TMEM200A: variants seen among roughly 807,000 people sequenced by gnomAD.
The protein encoded by TMEM200A is transmembrane protein 200A, also known as two transmembrane C.
Under a neutral mutation model 24.3 loss-of-function variants are expected in TMEM200A, and 12 were observed. The observed-to-expected ratio is 0.49, with a 90% CI of 0.32 to 0.80. TMEM200A has a LOEUF of 0.80. TMEM200A is among the 30% of genes least tolerant of loss of function. The probability of loss-of-function intolerance (pLI) is 0.04; values close to 1 mark genes in which losing one functional copy is unlikely to be tolerated. For missense variants in TMEM200A, 545 were observed against 614.4 expected (o/e 0.89, Z 1.19); for synonymous variants, 224 against 224.4 (o/e 1.00, Z 0.02).
intron 2 of TMEM200A, among the ~76,000 whole-genome samples, chr6:130,387,741 C>T (rs1778743215): frequency 6.6e-6 from 1 of 152,200 alleles, no homozygotes; most frequent in South Asian, 2.1e-4. Flanking sequence ...TTTCCACACT[C>T]TTAATTATGT....
rs9492583 is a variant in TMEM200A, at chr6:130,412,185, C to G, written c.-17+26949C>G. Reference sequence around the variant, plus strand: ...TGAAATTAGCTACTTCTCCCAGAAGCCTGATTTTTTTTTTTTTTCTTTTTA... The same window carrying G: ...TGAAATTAGCTACTTCTCCCAGAAGGCTGATTTTTTTTTTTTTTCTTTTTA... On this transcript the variant is annotated intron_variant, in intron 2 of 2. Transcript: ENST00000296978. 6.6e-3 allele frequency among the ~76,000 whole-genome samples: 849 copies of G among 128,200 alleles called. 7 individuals carry two copies. Among genetic ancestry groups the G allele is most frequent in the African/African-American group, 0.031 (790 of 25,604 alleles). 84.1% of individuals were successfully genotyped at this position (128,200 alleles called of 152,430 possible).
intron 2 of TMEM200A, among the ~76,000 whole-genome samples, chr6:130,434,484 G>A (rs1448277924): frequency 6.6e-6 from 1 of 152,166 alleles, no homozygotes; most frequent in Non-Finnish European, 1.5e-5. Flanking sequence ...TAGGCTCACA[G>A]TGTGGTCAGA....
chr6:130,393,256 A>G (rs948339219), intron 2 of TMEM200A, among the ~76,000 whole-genome samples: 1 of 152,232 alleles, frequency 6.6e-6, no homozygotes, highest in African/African-American at 2.4e-5. Flanking sequence ...GTATTAAGTC[A>G]TGCTGTCTTC....
At chr6:130,392,544 G>C (rs938013644) in intron 2 of TMEM200A, among the ~76,000 whole-genome samples, 4 of 152,138 alleles carry the variant, frequency 2.6e-5, no homozygotes, top group Non-Finnish European at 5.9e-5. Context: ...TTCACTGTCA[G>C]CCTATCTGTC....
chr6:130,393,067 T>C (rs141161669), intron 2 of TMEM200A, among the ~76,000 whole-genome samples: 5 of 152,352 alleles, frequency 3.3e-5, no homozygotes, highest in Admixed American at 3.3e-4. Flanking sequence ...TAAGAATTCA[T>C]TGATGGAATT....
At chr6:130,385,626 GA>G (rs1778694067) in intron 2 of TMEM200A, among the ~76,000 whole-genome samples, 2 of 151,958 alleles carry the variant, frequency 1.3e-5, no homozygotes, top group Admixed American at 1.3e-4. Context: ...ATTGACTACA[GA>G]AAAAAATAAT....
chr6:130,365,656 C>T (rs1040182088), upstream of TMEM200A: 1 of 985,286 alleles, frequency 1.0e-6, no homozygotes, highest in Non-Finnish European at 1.2e-6. Flanking sequence ...TAGAGGCGGG[C>T]CCCACGGGTG....
intron 2 of TMEM200A, among the ~76,000 whole-genome samples, chr6:130,396,855 T>C (rs2115121556): frequency 6.6e-6 from 1 of 152,126 alleles, no homozygotes; most frequent in Admixed American, 6.5e-5. Flanking sequence ...GTCCAGAAGG[T>C]ACTGTTGGAG....
At chr6:130,428,615 G>A (rs1779802515) in intron 2 of TMEM200A, among the ~76,000 whole-genome samples, 1 of 152,124 alleles carries the variant, frequency 6.6e-6, no homozygotes, top group African/African-American at 2.4e-5. Context: ...TGAAACAATA[G>A]GTGTGCCCAT....
At chr6:130,399,092 C>A (rs74900521) in intron 2 of TMEM200A, among the ~76,000 whole-genome samples, 1 of 151,934 alleles carries the variant, frequency 6.6e-6, no homozygotes, top group South Asian at 2.1e-4. Context: ...TTTTTCTCAA[C>A]ACCCTGAAGT....
chr6:130,366,921 C>T lies in TMEM200A; in HGVS notation c.-81+397C>T, dbSNP rs1183827966. On this transcript the variant is annotated intron_variant, in intron 1 of 2. Transcript: ENST00000296978. This position sits in a 1 kb window ranked among gnomAD's most constrained non-coding sequence, Gnocchi z 4.4. ...GTATCTGGATGGGGTAGAATCTACACAGGCAAAATGGAGAGGCAAAGCAAT... is the reference window on the plus strand; with the variant it reads ...GTATCTGGATGGGGTAGAATCTACATAGGCAAAATGGAGAGGCAAAGCAAT... 3.3e-5 allele frequency among the ~76,000 whole-genome samples: 5 copies of T among 152,222 alleles called. No individual in the cohort carries two copies. The highest frequency in any genetic ancestry group is 1.2e-4 in the African/African-American group (5 of 41,460).
intron 1 of TMEM200A, among the ~76,000 whole-genome samples, chr6:130,374,258 A>T (rs1211313655): frequency 1.3e-5 from 2 of 152,130 alleles, no homozygotes; most frequent in African/African-American, 4.8e-5. Context: ...GTAGTCATGG[A>T]GTGTTCTAAC....
chr6:130,381,294 C>T (rs1778589677), intron 1 of TMEM200A, among the ~76,000 whole-genome samples: 1 of 152,196 alleles, frequency 6.6e-6, no homozygotes, highest in Admixed American at 6.5e-5. Context: ...CCTTCATCAG[C>T]AATGGGTCAT....
chr6:130,434,959 C>T lies in TMEM200A; in HGVS notation c.-16-5448C>T, dbSNP rs563712321. 8.6e-5 allele frequency among the ~76,000 whole-genome samples: 13 copies of T among 150,826 alleles called. No homozygotes were observed. The South Asian group carries it at 1.3e-3, about 15-fold the overall frequency. On this transcript the variant is annotated intron_variant, in intron 2 of 2. Transcript: ENST00000296978. ...GATAGCCCAACAGTATCCTAGTTTG[C>T]AAAGTAAAAGAAGGTGTGTTTTGTG...
At chr6:130,421,917 G>A (rs1363046165) in intron 2 of TMEM200A, among the ~76,000 whole-genome samples, 1 of 152,062 alleles carries the variant, frequency 6.6e-6, no homozygotes, top group Non-Finnish European at 1.5e-5. Flanking sequence ...GTGTATATAT[G>A]TATATATACA....
At position 130,440,764 on chromosome 6, in the gene TMEM200A, CT is replaced by C; in HGVS notation, c.344del (p.Phe115SerfsTer11). 6.2e-7 allele frequency: 1 copy of C among 1,613,938 alleles called. No homozygotes were observed. Among genetic ancestry groups the C allele is most frequent in the South Asian group, 1.1e-5 (1 of 91,078 alleles). On this transcript the variant is annotated frameshift_variant, in exon 3 of 3. Coordinates refer to ENST00000296978, the MANE Select transcript of TMEM200A (RefSeq NM_001258277.2). LOFTEE classifies it high-confidence loss of function. Reference protein sequence around the residue: ...IRNEGGVVVRFFEQHLHSDKM... With the variant: ...IRNEGGVVVRXFEQHLHSDKM... ...GGAATGAAGGCGGTGTGGTGGTTCG[CT>C]TCTTTGAGCAGCATTTGCATTCTGA...
chr6:130,421,535 T>TGTGTGTGC (rs751808631), intron 2 of TMEM200A, among the ~76,000 whole-genome samples: 5 of 151,692 alleles, frequency 3.3e-5, no homozygotes, highest in Non-Finnish European at 5.9e-5. Flanking sequence ...TGTGTGTGTG[T>TGTGTGTGC]GCATGCGTAC....
In TMEM200A at chr6:130,366,248, C is replaced by G; in HGVS notation, c.-357C>G. The G allele has an allele frequency of 1.0e-6, 1 of 985,426 alleles. No individual in the cohort carries two copies. The highest frequency in any genetic ancestry group is 4.7e-5 in the South Asian group (1 of 21,288). The allele number at this position is 985,426 out of a possible 1,614,324, so 61.0% of individuals were successfully genotyped here. ...CCCGAGGCCTCCGGTGCCCCCCCGG[C>G]GCGGGCATAGGGGCGCCCCCACCCT... On this transcript the variant is annotated 5_prime_UTR_variant, in exon 1 of 3. Coordinates refer to ENST00000296978, the MANE Select transcript of TMEM200A (RefSeq NM_001258277.2). This position sits in a 1 kb window ranked among gnomAD's most constrained non-coding sequence, Gnocchi z 4.4.
At chr6:130,406,922 C>T (rs1035132710) in intron 2 of TMEM200A, among the ~76,000 whole-genome samples, 3 of 152,174 alleles carry the variant, frequency 2.0e-5, no homozygotes, top group South Asian at 2.1e-4. Context: ...TTTCTCCTTT[C>T]GTTTCCTGAA....
Sources: gnomAD v4.1 joint callset for allele counts (sites outside exome capture counted in the v4.1 genomes callset) on GRCh38, gnomAD v4.1.1 for gene constraint, Gnocchi (gnomAD v3.1) non-coding constraint, MANE v1.5 for transcripts, NCBI Gene and HGNC (gene_info 2026-07-23, HGNC 2026-07-21) for gene names.